The following NCKAP5 variants were observed in gnomAD, a reference collection of about 807,000 sequenced individuals.
The protein encoded by NCKAP5 is nck-associated protein 5.
A neutral mutation model predicts 167.0 loss-of-function variants in NCKAP5; 92 were observed. That is an observed-to-expected ratio of 0.55 (90% CI 0.47 to 0.66). The LOEUF is 0.66. Ranked by LOEUF, NCKAP5 falls within the 30% of genes least tolerant of loss-of-function variation. The pLI is 0.00. For missense variants in NCKAP5, 2,378 were observed against 2,315.0 expected, an observed-to-expected ratio of 1.03 and a Z score of -0.56; for synonymous variants, 891 against 877.4, an observed-to-expected ratio of 1.02 and a Z score of -0.27.
the NCKAP5 span, among the ~76,000 whole-genome samples, chr2:133,662,259 C>G: frequency 6.6e-6 from 1 of 152,124 alleles, no homozygotes; most frequent in African/African-American, 2.4e-5. Context: ...CAAATGCTCT[C>G]TCTGAAAAAG....
intron 3 of NCKAP5, among the ~76,000 whole-genome samples, chr2:133,514,360 A>G (rs961602093): frequency 1.3e-5 from 2 of 152,222 alleles, no homozygotes; most frequent in Non-Finnish European, 2.9e-5. Flanking sequence ...GTGTGCACAC[A>G]CATACACTCA....
At chr2:133,110,908 G>C (rs1021256396) in intron 6 of NCKAP5, among the ~76,000 whole-genome samples, 1 of 152,044 alleles carries the variant, frequency 6.6e-6, no homozygotes, top group Non-Finnish European at 1.5e-5. Context: ...CTCTCTTCCC[G>C]GCTTACAGAT....
At chr2:132,789,559 C>T (rs72847216) in intron 13 of NCKAP5, among the ~76,000 whole-genome samples, 8,217 of 152,134 alleles carry the variant, frequency 0.054, 329 homozygotes, top group Non-Finnish European at 0.079. Flanking sequence ...TACTCTGATC[C>T]GGGGTTTCTA....
In NCKAP5 at chr2:132,849,474, G is replaced by A. The variant is rs1050587603; in HGVS notation, c.807+11018C>T. 4.6e-5 allele frequency among the ~76,000 whole-genome samples: 7 copies of A among 152,120 alleles called. 1 individual carries two copies. The highest frequency in any genetic ancestry group is 3.9e-4 in the East Asian group (2 of 5,192). On this transcript the variant is annotated intron_variant, in intron 11 of 19. Transcript: ENST00000409261. ...AGAAAATAGAAACTGATTTAATACAGTATATTTTTGGGCCAATATCTCATT... is the reference window on the plus strand; with the variant it reads ...AGAAAATAGAAACTGATTTAATACAATATATTTTTGGGCCAATATCTCATT...
chr2:133,333,749 T>C (rs1683027192), intron 3 of NCKAP5: 1 of 152,242 alleles, frequency 6.6e-6, no homozygotes, highest in Non-Finnish European at 1.5e-5. Flanking sequence ...AACATTTTTA[T>C]ATCATATTGA....
chr2:133,073,696 T>C (rs532761284), intron 6 of NCKAP5, among the ~76,000 whole-genome samples: 73 of 152,288 alleles, frequency 4.8e-4, no homozygotes, highest in Non-Finnish European at 9.9e-4. Context: ...TCCAAAATTA[T>C]TCAGCATACA....
rs935176391 is a variant in NCKAP5, at chr2:133,129,037, C to G, written c.341+941G>C. On this transcript the variant is annotated intron_variant, in intron 6 of 19. Coordinates refer to ENST00000409261, the MANE Select transcript of NCKAP5 (RefSeq NM_207363.3). ...GAATCATTAGAGTCACATACTCTCT[C>G]TTTGTCTTAAAATAGGATTGCGATG... Among the ~76,000 whole-genome samples, 3 of 145,376 alleles carry G rather than the reference C, an allele frequency of 2.1e-5. No individual in the cohort carries two copies. In the Admixed American group the frequency reaches 2.1e-4, roughly 10 times the overall value.
intron 5 of NCKAP5, among the ~76,000 whole-genome samples, chr2:133,143,151 T>C (rs1002396480): frequency 7.2e-5 from 11 of 152,112 alleles, no homozygotes; most frequent in African/African-American, 2.7e-4. Context: ...ATGTACATTT[T>C]TATATAGGCT....
chr2:133,106,020 T>C (rs2081675712), intron 6 of NCKAP5, among the ~76,000 whole-genome samples: 2 of 152,074 alleles, frequency 1.3e-5, no homozygotes, highest in African/African-American at 4.8e-5. Flanking sequence ...TTGGAAGCTC[T>C]CTTCTCCTTT....
chr2:132,982,585 C>A (rs1380124366), intron 7 of NCKAP5, among the ~76,000 whole-genome samples: 2 of 152,194 alleles, frequency 1.3e-5, no homozygotes, highest in African/African-American at 4.8e-5. Context: ...GCGTGATGCT[C>A]AGGTTAGGGG....
intron 3 of NCKAP5, among the ~76,000 whole-genome samples, chr2:133,488,246 G>A (rs531748091): frequency 6.6e-6 from 1 of 151,986 alleles, no homozygotes; most frequent in Non-Finnish European, 1.5e-5. Context: ...GATTTTCTCA[G>A]GTCCCTTGAC....
At chr2:133,140,528 G>A (rs1250943536) in intron 5 of NCKAP5, among the ~76,000 whole-genome samples, 4 of 152,046 alleles carry the variant, frequency 2.6e-5, no homozygotes, top group African/African-American at 4.8e-5. Context: ...TCCCATCTAC[G>A]CTCTAGTCTT....
chr2:132,905,707 ACAC>A (rs1416522141), intron 8 of NCKAP5, among the ~76,000 whole-genome samples: 1 of 152,212 alleles, frequency 6.6e-6, no homozygotes. Context: ...TTATATTTAT[ACAC>A]TGAATTTTCC....
At chr2:133,402,724 TC>T (rs1237286728) in intron 3 of NCKAP5, among the ~76,000 whole-genome samples, 2 of 152,054 alleles carry the variant, frequency 1.3e-5, no homozygotes, top group Non-Finnish European at 2.9e-5. Context: ...ACATGCCTGC[TC>T]CCCCTTCACT....
chr2:133,335,566 T>C (rs1000100625), intron 3 of NCKAP5, among the ~76,000 whole-genome samples: 11 of 152,202 alleles, frequency 7.2e-5, no homozygotes, highest in Non-Finnish European at 1.5e-4. Flanking sequence ...CCACTTGTTC[T>C]ATAAAAAATG....
intron 6 of NCKAP5, among the ~76,000 whole-genome samples, chr2:133,047,699 A>G (rs2079449765): frequency 6.6e-6 from 1 of 152,218 alleles, no homozygotes; most frequent in African/African-American, 2.4e-5. Context: ...AACACTCCAG[A>G]AAAACCTCAT....
intron 5 of NCKAP5, among the ~76,000 whole-genome samples, chr2:133,137,526 T>G (rs971293757): frequency 6.6e-6 from 1 of 151,402 alleles, no homozygotes; most frequent in African/African-American, 2.4e-5. Flanking sequence ...GGTAGAAATT[T>G]CAAGGGCAAG....
intron 6 of NCKAP5, among the ~76,000 whole-genome samples, chr2:133,027,455 A>G (rs976317290): frequency 1.3e-5 from 2 of 152,182 alleles, no homozygotes; most frequent in East Asian, 1.9e-4. Flanking sequence ...CTTCTCCCCA[A>G]TAATTAGATG....
intron 5 of NCKAP5, among the ~76,000 whole-genome samples, chr2:133,143,583 A>T (rs2083079729): frequency 6.6e-6 from 1 of 152,188 alleles, no homozygotes; most frequent in Non-Finnish European, 1.5e-5. Context: ...ACAGGGAAAC[A>T]TGTATGTACA....
Sources: allele counts gnomAD v4.1 joint callset (sites outside exome capture counted in the v4.1 genomes callset), GRCh38; gene constraint gnomAD v4.1.1; transcripts MANE v1.5; gene names NCBI Gene and HGNC (gene_info 2026-07-23, HGNC 2026-07-21).